CATSPERT: variants seen among roughly 807,000 people sequenced by gnomAD.
CATSPERT encodes cation channel sperm-associated targeting subunit tau.
chr2:201,582,359 T>G, the CATSPERT span: 1 of 815,230 alleles, frequency 1.2e-6, no homozygotes, highest in Non-Finnish European at 1.8e-6. Context: ...CAAATAAATA[T>G]TATTTGCATA....
At chr2:201,545,575 G>C in the CATSPERT span, 1 of 1,420,418 alleles carries the variant, frequency 7.0e-7, no homozygotes, top group South Asian at 1.4e-5. Flanking sequence ...CTCCTCTTCA[G>C]GATGATTACT....
the CATSPERT span, among the ~76,000 whole-genome samples, chr2:201,590,628 C>T: frequency 6.6e-6 from 1 of 152,234 alleles, no homozygotes; most frequent in African/African-American, 2.4e-5. Context: ...CCTATTTCTC[C>T]ACATCCTCTC....
At chr2:201,544,307 C>T in the CATSPERT span, among the ~76,000 whole-genome samples, 26 of 152,096 alleles carry the variant, frequency 1.7e-4, no homozygotes, top group African/African-American at 5.3e-4. Flanking sequence ...TGAATAGTGC[C>T]GCAATAAACA....
chr2:201,506,292 C>G, the CATSPERT span, among the ~76,000 whole-genome samples: 1 of 151,594 alleles, frequency 6.6e-6, no homozygotes, highest in East Asian at 1.9e-4. Context: ...AACAAACAAA[C>G]AAAACACCAA....
the CATSPERT span, among the ~76,000 whole-genome samples, chr2:201,564,009 A>G: frequency 6.6e-6 from 1 of 152,204 alleles, no homozygotes; most frequent in African/African-American, 2.4e-5. Flanking sequence ...ACGATGTGAG[A>G]ACAAAAACCA....
chr2:201,595,121 G>C, the CATSPERT span, among the ~76,000 whole-genome samples: 28 of 151,352 alleles, frequency 1.8e-4, no homozygotes, highest in African/African-American at 6.5e-4. Flanking sequence ...ATCTACTTTC[G>C]GCCTTTGATG....
the CATSPERT span, among the ~76,000 whole-genome samples, chr2:201,521,814 G>A: frequency 6.6e-6 from 1 of 152,004 alleles, no homozygotes; most frequent in African/African-American, 2.4e-5. Flanking sequence ...TTTATCCCAG[G>A]AACTCAAGGA....
At chr2:201,518,498 A>C in the CATSPERT span, among the ~76,000 whole-genome samples, 1 of 152,170 alleles carries the variant, frequency 6.6e-6, no homozygotes, top group Non-Finnish European at 1.5e-5. Flanking sequence ...ATCCCAACCC[A>C]CCCACTGGTG....
chr2:201,562,531 T>G, the CATSPERT span, among the ~76,000 whole-genome samples: 1 of 150,822 alleles, frequency 6.6e-6, no homozygotes, highest in African/African-American at 2.4e-5. Context: ...TATTTATTTT[T>G]TTTATTGATC....
the CATSPERT span, chr2:201,556,012 T>C: frequency 8.5e-5 from 13 of 152,184 alleles, no homozygotes; most frequent in Non-Finnish European, 1.9e-4. Flanking sequence ...TCCTATCACT[T>C]AATGACAAAA....
the CATSPERT span, chr2:201,582,012 C>T: frequency 1.4e-5 from 21 of 1,484,364 alleles, no homozygotes; most frequent in Non-Finnish European, 1.7e-5. Flanking sequence ...CAAAAAAAGC[C>T]CATCAAGTAT....
At chr2:201,605,501 G>T in the CATSPERT span, among the ~76,000 whole-genome samples, 1 of 152,072 alleles carries the variant, frequency 6.6e-6, no homozygotes, top group African/African-American at 2.4e-5. Context: ...AACAGGTTAT[G>T]CCCCTCCTTT....
chr2:201,536,060 G>A, the CATSPERT span: 3 of 1,613,072 alleles, frequency 1.9e-6, no homozygotes, highest in Non-Finnish European at 2.5e-6. Context: ...TGCTTGGATA[G>A]TTATCTTTTA....
At chr2:201,612,581 G>A in the CATSPERT span, among the ~76,000 whole-genome samples, 89 of 111,220 alleles carry the variant, frequency 8.0e-4, no homozygotes, top group East Asian at 1.6e-3. Flanking sequence ...CTCCATCTTG[G>A]AAAAAAAAAA....
At chr2:201,615,027 C>A in the CATSPERT span, among the ~76,000 whole-genome samples, 1 of 152,128 alleles carries the variant, frequency 6.6e-6, no homozygotes, top group South Asian at 2.1e-4. Context: ...ATGTATGCAC[C>A]CAATATAGGA....
At chr2:201,507,281 C>A in the CATSPERT span, among the ~76,000 whole-genome samples, 1 of 152,120 alleles carries the variant, frequency 6.6e-6, no homozygotes, top group African/African-American at 2.4e-5. Context: ...ACGTTTACAT[C>A]AGAAACTATC....
At chr2:201,527,286 A>T in the CATSPERT span, among the ~76,000 whole-genome samples, 1 of 152,230 alleles carries the variant, frequency 6.6e-6, no homozygotes, top group Non-Finnish European at 1.5e-5. Flanking sequence ...AAAATATTCC[A>T]TGCTCATGGA....
chr2:201,554,815 A>G, the CATSPERT span: 3 of 151,740 alleles, frequency 2.0e-5, no homozygotes, highest in Admixed American at 2.0e-4. Context: ...GAATGATTAA[A>G]TCCAGGGCTC....
At chr2:201,497,654 T>G in the CATSPERT span, among the ~76,000 whole-genome samples, 2 of 152,192 alleles carry the variant, frequency 1.3e-5, no homozygotes, top group African/African-American at 2.4e-5. Context: ...TAACTTTTAC[T>G]CCGTTTAACT....
Sources: allele counts gnomAD v4.1 joint callset (sites outside exome capture counted in the v4.1 genomes callset), GRCh38; gene constraint gnomAD v4.1.1; transcripts MANE v1.5; gene names NCBI Gene and HGNC (gene_info 2026-07-23, HGNC 2026-07-21).